Variants in DHX34 observed in about 807,000 individuals in gnomAD.
The protein encoded by DHX34 is probable ATP-dependent RNA helicase DHX34.
In DHX34, 96 loss-of-function variants were observed where a neutral mutation model predicts 111.1. That is an observed-to-expected ratio of 0.86 (90% CI 0.73 to 1.02). The LOEUF is 1.02. DHX34 is among the 50% of genes least tolerant of loss of function. The pLI is 0.00. For missense variants in DHX34, 1,560 were observed against 1,579.9 expected (o/e 0.99, Z 0.21); for synonymous variants, 688 against 670.4 (o/e 1.03, Z -0.41).
intron 6 of DHX34, among the ~76,000 whole-genome samples, chr19:47,366,688 C>T (rs1969794670): frequency 6.6e-6 from 1 of 152,174 alleles, no homozygotes; most frequent in Non-Finnish European, 1.5e-5. Context: ...TCAAGCGATT[C>T]TCCTGCCTCA....
At chr19:47,378,449 G>A (rs986976308) in intron 13 of DHX34, among the ~76,000 whole-genome samples, 3 of 152,186 alleles carry the variant, frequency 2.0e-5, no homozygotes, top group African/African-American at 7.2e-5. Context: ...CAGGCAGCAC[G>A]CAGGCCGAGG....
At chr19:47,380,525 G>C (rs1056914839) in intron 14 of DHX34, among the ~76,000 whole-genome samples, 10 of 151,844 alleles carry the variant, frequency 6.6e-5, no homozygotes, top group Admixed American at 2.0e-4. Flanking sequence ...GGAGGAGGAG[G>C]GGGGAGGTGG....
intron 7 of DHX34, among the ~76,000 whole-genome samples, chr19:47,367,865 T>C (rs1430504259): frequency 1.6e-5 from 2 of 126,904 alleles, no homozygotes; most frequent in Admixed American, 1.0e-4. Context: ...CATTGTACTC[T>C]AGCCTGGGCG....
In DHX34 at chr19:47,371,118, G is replaced by A. The variant is rs538092276; in HGVS notation, c.1769-1612G>A. Among the ~76,000 whole-genome samples, 249 of 152,344 alleles carry A rather than the reference G, an allele frequency of 1.6e-3. 1 individual carries two copies. Among genetic ancestry groups the A allele is most frequent in the Non-Finnish European group, 2.4e-3 (166 of 68,032 alleles). On this transcript the variant is annotated intron_variant, in intron 7 of 16. Transcript: ENST00000328771. ...TTCATCCTTACCTGCTGAGGGCAGG[G>A]CCTCTGATCGCCCCCAGTGTGTAGA... is the stretch of plus-strand genomic sequence containing the variant.
chr19:47,372,092 A>G (rs1599768772), intron 7 of DHX34, among the ~76,000 whole-genome samples: 1 of 149,932 alleles, frequency 6.7e-6, no homozygotes, highest in East Asian at 2.0e-4. Flanking sequence ...GGTTCCTGCC[A>G]CTTTTCCTCT....
chr19:47,353,833 C>T lies in DHX34; in HGVS notation c.705+98C>T, dbSNP rs1969369968. 1.4e-5 allele frequency: 16 copies of T among 1,152,688 alleles called. No individual in the cohort carries two copies. The South Asian group carries it at 2.5e-4, about 18-fold the overall frequency. 71.4% of individuals were successfully genotyped at this position (1,152,688 alleles called of 1,614,324 possible). On this transcript the variant is annotated intron_variant, in intron 2 of 16. Coordinates refer to ENST00000328771, the MANE Select transcript of DHX34 (RefSeq NM_014681.6). The surrounding 1 kb of genome is among the most constrained non-coding windows in gnomAD (Gnocchi z 4.6). ...AGTATCAATAAAAATGAAGCACTTA[C>T]CCTTGGACCCAGCGATGATTCTTCT... is the stretch of plus-strand genomic sequence containing the variant.
At chr19:47,351,481 A>G (rs1969285894) in intron 1 of DHX34, among the ~76,000 whole-genome samples, 1 of 152,140 alleles carries the variant, frequency 6.6e-6, no homozygotes, top group Admixed American at 6.6e-5. Context: ...ACTAAGCTTC[A>G]AGACCTAAAT....
chr19:47,375,602 G>A lies in DHX34; in HGVS notation c.2201G>A (p.Arg734His), dbSNP rs200092838. 5.9e-4 allele frequency: 906 copies of A among 1,547,154 alleles called. No individual in the cohort carries two copies. The highest frequency in any genetic ancestry group is 1.4e-3 in the East Asian group (57 of 41,410). ...CGCCAGCACGAGGAGGGCGCGGGGCGCAGGCGCAAGGTGCTGCGGCTGCAG... is the reference window on the plus strand; with the variant it reads ...CGCCAGCACGAGGAGGGCGCGGGGCACAGGCGCAAGGTGCTGCGGCTGCAG... ...LKRQHEEGAG[R>H]RRKVLRLQEE... The change falls in exon 10 of 17, where the codon CGC (arginine) becomes CAC (histidine). Residue 734 changes from arginine to histidine, a missense_variant. Physicochemically the swap from Arg to His is conservative, Grantham distance 29. Coordinates refer to ENST00000328771, the MANE Select transcript of DHX34 (RefSeq NM_014681.6).
chr19:47,353,528 G>A lies in DHX34; in HGVS notation c.498G>A (p.Gln166=), dbSNP rs773179768. The A allele has an allele frequency of 6.2e-7, 1 of 1,613,742 alleles. No individual in the cohort carries two copies. The highest frequency in any genetic ancestry group is 1.7e-5 in the Admixed American group (1 of 60,014). ...AGCGGGCAGCCCTCCCCATCGCCCA[G>A]TATGGGAACCGCATCCTGCAGACGC... ...QRERAALPIA[Q]YGNRILQTLK... The change falls in exon 2 of 17, where the codon CAG becomes CAA. Residue 166 remains glutamine (Q), a synonymous_variant. Transcript: ENST00000328771. This position sits in a 1 kb window ranked among gnomAD's most constrained non-coding sequence, Gnocchi z 4.6.
At chr19:47,371,135 G>A (rs1969953574) in intron 7 of DHX34, among the ~76,000 whole-genome samples, 1 of 152,220 alleles carries the variant, frequency 6.6e-6, no homozygotes, top group African/African-American at 2.4e-5. Context: ...ATCGCCCCCA[G>A]TGTGTAGATG....
At chr19:47,372,202 C>T (rs1395038743) in intron 7 of DHX34, among the ~76,000 whole-genome samples, 3 of 151,914 alleles carry the variant, frequency 2.0e-5, no homozygotes, top group Non-Finnish European at 4.4e-5. Flanking sequence ...CTTCCTCTTC[C>T]ACTTCCACCT....
chr19:47,364,454 G>A (rs1026537013), intron 6 of DHX34, among the ~76,000 whole-genome samples: 3 of 151,988 alleles, frequency 2.0e-5, no homozygotes, highest in African/African-American at 7.2e-5. Flanking sequence ...AAATACTAGT[G>A]CTGCCGGGCA....
chr19:47,354,911 C>T, intron 2 of DHX34, 128 bp from the exon 3 acceptor site: 1 of 1,495,508 alleles, frequency 6.7e-7, no homozygotes, highest in African/African-American at 1.4e-5. Context: ...GCCTCTGCCT[C>T]CCAAAGTGCT....
At chr19:47,363,528 A>G (rs1969697671) in intron 6 of DHX34, among the ~76,000 whole-genome samples, 2 of 151,462 alleles carry the variant, frequency 1.3e-5, no homozygotes, top group Non-Finnish European at 2.9e-5. Flanking sequence ...CCTTAAATCC[A>G]TAGGGTCAGC....
Position 47,352,795 on chromosome 19 carries a change from C to A in DHX34, c.-236C>A. On this transcript the variant is annotated 5_prime_UTR_variant, in exon 2 of 17. Transcript: ENST00000328771. ...ACCCAGAATGAACTTGTGTCCATCC[C>A]AGAGATCACTGCAGATGTCATGAGG... 1 of 678,410 alleles carries A rather than the reference C, an allele frequency of 1.5e-6. No homozygotes were observed. Among genetic ancestry groups the A allele is most frequent in the Non-Finnish European group, 2.3e-6 (1 of 435,274 alleles). The allele number at this position is 678,410 out of a possible 1,614,324, so 42.0% of individuals were successfully genotyped here.
In DHX34 at chr19:47,382,274, C is replaced by CTGA. The variant is rs1332498276; in HGVS notation, c.*163_*165dup. 1.6e-6 allele frequency: 2 copies of CTGA among 1,276,784 alleles called. No homozygotes were observed. The highest frequency in any genetic ancestry group is 2.1e-6 in the Non-Finnish European group (2 of 956,658). The allele number at this position is 1,276,784 out of a possible 1,614,324, so 79.1% of individuals were successfully genotyped here. ...CGGATTGTGAATAAAGCCTCACATGCTGATACACACTGTTAGGCCTGCACC... is the reference window on the plus strand; with the variant it reads ...CGGATTGTGAATAAAGCCTCACATGCTGATGATACACACTGTTAGGCCTGCACC... On this transcript the variant is annotated 3_prime_UTR_variant, in exon 17 of 17. Coordinates refer to ENST00000328771, the MANE Select transcript of DHX34 (RefSeq NM_014681.6).
chr19:47,377,012 T>A, intron 12 of DHX34, 88 bp from the exon 13 acceptor site: 13 of 1,600,920 alleles, frequency 8.1e-6, no homozygotes, highest in Non-Finnish European at 1.1e-5. Flanking sequence ...TTTCTATCGA[T>A]GTGTACTTTG....
chr19:47,369,677 C>A (rs911565766), intron 7 of DHX34, among the ~76,000 whole-genome samples: 2 of 152,076 alleles, frequency 1.3e-5, no homozygotes, highest in Non-Finnish European at 2.9e-5. Context: ...AATTGGCTGT[C>A]CTGGGAGGCC....
Position 47,379,826 on chromosome 19 carries a change from G to T in DHX34, c.2823G>T (p.Ala941=). ...GTGAAAGTGCCATCCGACTCCTGGCGGCTTCCCTGCGGCTCCGTGCCCGCT... is the reference window on the plus strand; with the variant it reads ...GTGAAAGTGCCATCCGACTCCTGGCTGCTTCCCTGCGGCTCCGTGCCCGCT... ...ADSESAIRLL[A]ASLRLRARWE... Residue 941 remains alanine (A), a synonymous_variant, in exon 14 of 17, where the codon GCG becomes GCT. Coordinates refer to ENST00000328771, the MANE Select transcript of DHX34 (RefSeq NM_014681.6). 6.2e-7 allele frequency: 1 copy of T among 1,613,828 alleles called. No individual in the cohort carries two copies. Among genetic ancestry groups the T allele is most frequent in the Non-Finnish European group, 8.5e-7 (1 of 1,179,868 alleles).
Sources: gnomAD v4.1 joint callset for allele counts (sites outside exome capture counted in the v4.1 genomes callset) on GRCh38, gnomAD v4.1.1 for gene constraint, Gnocchi (gnomAD v3.1) non-coding constraint, MANE v1.5 for transcripts, NCBI Gene and HGNC (gene_info 2026-07-23, HGNC 2026-07-21) for gene names.